The following RBPMS variants were observed in gnomAD, a reference collection of about 807,000 sequenced individuals.
RBPMS encodes RNA binding protein, mRNA processing factor.
A neutral mutation model predicts 26.8 loss-of-function variants in RBPMS; 7 were observed. That is an observed-to-expected ratio of 0.26 (90% confidence interval 0.15 to 0.49). The LOEUF is 0.49. Ranked by LOEUF, RBPMS falls within the 20% of genes least tolerant of loss-of-function variation. The pLI is 0.98. For missense variants in RBPMS, 186 were observed against 250.0 expected, an observed-to-expected ratio of 0.74 and a Z score of 1.73; for synonymous variants, 96 against 93.3, an observed-to-expected ratio of 1.03 and a Z score of -0.17.
rs544578485 is a variant in RBPMS, at chr8:30,439,765, C to CCTA, written c.67-35012_67-35011insACT. ...TGACCTGGCTCAGGCAGTCCTCCTA[C>CCTA]CTCAGCTTCCTGAGTAGGTATGAAT... On this transcript the variant is annotated intron_variant, in intron 1 of 8. Coordinates refer to ENST00000397323, the MANE Select transcript of RBPMS (RefSeq NM_001008710.3). Among the ~76,000 whole-genome samples the CCTA allele has an allele frequency of 4.1e-3, 631 of 152,252 alleles. 3 individuals carry two copies. Among genetic ancestry groups the CCTA allele is most frequent in the African/African-American group, 0.014 (589 of 41,532 alleles).
chr8:30,480,706 T>C (rs1818181990), intron 4 of RBPMS, among the ~76,000 whole-genome samples: 1 of 152,222 alleles, frequency 6.6e-6, no homozygotes, highest in Non-Finnish European at 1.5e-5. Context: ...GGTGTATAAT[T>C]GAATGTTTTG....
At chr8:30,559,747 TAGGA>T (rs1229343296) in intron 7 of RBPMS, among the ~76,000 whole-genome samples, 1 of 152,130 alleles carries the variant, frequency 6.6e-6, no homozygotes, top group Non-Finnish European at 1.5e-5. Flanking sequence ...CTTCATGAAA[TAGGA>T]AGAAAAATGA....
chr8:30,443,009 C>T (rs1175158268), intron 1 of RBPMS, among the ~76,000 whole-genome samples: 2 of 152,116 alleles, frequency 1.3e-5, no homozygotes, highest in East Asian at 3.9e-4. Flanking sequence ...AATAATTCCC[C>T]TGAAATATCC....
chr8:30,535,501 C>T (rs77346202), intron 5 of RBPMS, among the ~76,000 whole-genome samples: 2,174 of 152,270 alleles, frequency 0.014, 32 homozygotes, highest in African/African-American at 0.041. Flanking sequence ...TTAGGCAGCA[C>T]CTGTCCCAAC....
chr8:30,558,661 G>A, intron 6 of RBPMS: 2 of 607,370 alleles, frequency 3.3e-6, no homozygotes, highest in Non-Finnish European at 6.0e-6. Flanking sequence ...CTCGAGGTGG[G>A]TGCTTTCCTC....
At position 30,562,146 on chromosome 8, in the gene RBPMS, C is replaced by A. The variant is rs558007892; in HGVS notation, c.*7+3190C>A. 9.1e-4 allele frequency: 474 copies of A among 521,028 alleles called. 3 individuals carry two copies. In the South Asian group the frequency reaches 0.01, roughly 11 times the overall value. The allele number at this position is 521,028 out of a possible 1,614,324, so 32.3% of individuals were successfully genotyped here. On this transcript the variant is annotated intron_variant, in intron 7 of 8. Coordinates refer to ENST00000397323, the MANE Select transcript of RBPMS (RefSeq NM_001008710.3). ...AGAAGTTTGAGACCAGCCCAGCCAA[C>A]ATGGTGAAACCCCGTCTCTACTAAA...
chr8:30,458,211 T>C (rs577501448), intron 1 of RBPMS, among the ~76,000 whole-genome samples: 5 of 152,332 alleles, frequency 3.3e-5, no homozygotes, highest in South Asian at 4.1e-4. Context: ...GCATTTTTTT[T>C]CCTCAGAATA....
intron 1 of RBPMS, among the ~76,000 whole-genome samples, chr8:30,462,782 C>G (rs1563342386): frequency 1.3e-5 from 2 of 151,940 alleles, no homozygotes; most frequent in African/African-American, 2.4e-5. Flanking sequence ...TAAAGAGAGA[C>G]AGAGATTTTC....
chr8:30,411,281 T>C lies in RBPMS; in HGVS notation c.66+26123T>C, dbSNP rs572276098. ...TCCTGGAGGCCATTAAGTAGGAGTC[T>C]TATTCTAAGGATTGGAATCTTCTGG... On this transcript the variant is annotated intron_variant, in intron 1 of 8. Coordinates refer to ENST00000397323, the MANE Select transcript of RBPMS (RefSeq NM_001008710.3). Among the ~76,000 whole-genome samples, 21 of 152,262 alleles carry C rather than the reference T, an allele frequency of 1.4e-4. 1 individual carries two copies. The East Asian group carries it at 4.0e-3, about 29-fold the overall frequency.
intron 3 of RBPMS, among the ~76,000 whole-genome samples, chr8:30,478,674 A>G (rs1817962920): frequency 6.6e-6 from 1 of 152,010 alleles, no homozygotes; most frequent in Non-Finnish European, 1.5e-5. Context: ...TAGTTTTTGT[A>G]TTTGTAGTAG....
intron 6 of RBPMS, among the ~76,000 whole-genome samples, chr8:30,551,363 T>G (rs1278995468): frequency 6.6e-6 from 1 of 152,178 alleles, no homozygotes; most frequent in Non-Finnish European, 1.5e-5. Context: ...GTCGGTCCCC[T>G]AGTGTATGGC....
At chr8:30,512,994 TCCCAC>T (rs10551223) in intron 5 of RBPMS, among the ~76,000 whole-genome samples, 2,880 of 151,154 alleles carry the variant, frequency 0.019, 77 homozygotes, top group African/African-American at 0.061. Flanking sequence ...AAGGCAGCCT[TCCCAC>T]CCCACCCCAC....
chr8:30,392,545 C>T lies in RBPMS; in HGVS notation c.66+7387C>T, dbSNP rs563517782. Among the ~76,000 whole-genome samples the T allele has an allele frequency of 3.9e-5, 6 of 152,184 alleles. No individual in the cohort carries two copies. The South Asian group carries it at 1.2e-3, about 32-fold the overall frequency. On this transcript the variant is annotated intron_variant, in intron 1 of 8. Transcript: ENST00000397323. ...TGCCCCAGAAGGCAGCAATCTAGGACGTCCCAATGGGCAGGGGGATGTGGC... is the reference window on the plus strand; with the variant it reads ...TGCCCCAGAAGGCAGCAATCTAGGATGTCCCAATGGGCAGGGGGATGTGGC...
intron 5 of RBPMS, among the ~76,000 whole-genome samples, chr8:30,514,471 G>T (rs1383223067): frequency 1.3e-5 from 2 of 151,928 alleles, no homozygotes; most frequent in Non-Finnish European, 2.9e-5. Flanking sequence ...TAGGTTTAAG[G>T]CAAAAATTAG....
intron 5 of RBPMS, among the ~76,000 whole-genome samples, chr8:30,524,203 T>G (rs1823340383): frequency 6.6e-6 from 1 of 152,210 alleles, no homozygotes; most frequent in Non-Finnish European, 1.5e-5. Context: ...TCTCTCATTT[T>G]GTGATGTTTA....
At chr8:30,559,003 T>C in intron 7 of RBPMS, 47 bp downstream of exon 7, 2 of 1,514,974 alleles carry the variant, frequency 1.3e-6, no homozygotes, top group South Asian at 2.2e-5. Context: ...CTAGAACACA[T>C]CTGTACATGG....
intron 1 of RBPMS, among the ~76,000 whole-genome samples, chr8:30,438,818 G>T (rs7819237): frequency 1.3e-5 from 2 of 151,826 alleles, no homozygotes; most frequent in African/African-American, 4.8e-5. Flanking sequence ...TGCCAGCCCC[G>T]GCTGGAGTGC....
intron 5 of RBPMS, among the ~76,000 whole-genome samples, chr8:30,531,643 G>C (rs965454249): frequency 1.9e-4 from 29 of 152,266 alleles, no homozygotes; most frequent in African/African-American, 6.5e-4. Context: ...AGGGCAGGAG[G>C]GGGGAGTTAT....
intron 1 of RBPMS, among the ~76,000 whole-genome samples, chr8:30,457,436 G>C (rs1338806091): frequency 6.6e-6 from 1 of 152,020 alleles, no homozygotes; most frequent in Non-Finnish European, 1.5e-5. Flanking sequence ...TGAAATATTT[G>C]TGTTTAATTT....
Sources: allele counts gnomAD v4.1 joint callset (sites outside exome capture counted in the v4.1 genomes callset), GRCh38; gene constraint gnomAD v4.1.1; transcripts MANE v1.5; gene names NCBI Gene and HGNC (gene_info 2026-07-23, HGNC 2026-07-21).